The following RBFOX1 variants were observed in gnomAD, a reference collection of about 807,000 sequenced individuals.
RBFOX1 encodes RNA binding protein fox-1 homolog 1.
Under a neutral mutation model 57.7 loss-of-function variants are expected in RBFOX1, and 8 were observed. The observed-to-expected ratio is 0.14, with a 90% CI of 0.08 to 0.25. The LOEUF (loss-of-function observed/expected upper bound fraction) is 0.25. RBFOX1 is among the 10% of genes least tolerant of loss of function. The pLI is 1.00. For synonymous variants in RBFOX1, 326 were observed against 222.4 expected (o/e 1.47, Z -4.15); for missense variants, 611 against 548.5 (o/e 1.11, Z -1.14).
intron 4 of RBFOX1, among the ~76,000 whole-genome samples, chr16:7,299,835 C>A (rs2095988200): frequency 6.6e-6 from 1 of 152,194 alleles, no homozygotes; most frequent in Non-Finnish European, 1.5e-5. Context: ...CCTCAGTTTA[C>A]AATGGGGTTA....
intron 1 of RBFOX1, among the ~76,000 whole-genome samples, chr16:5,458,851 A>G (rs1172165279): frequency 6.6e-6 from 1 of 152,102 alleles, no homozygotes; most frequent in African/African-American, 2.4e-5. Context: ...GGAATGGCCA[A>G]CTCTGGGGAT....
chr16:5,521,043 A>C lies in RBFOX1; in HGVS notation c.258+53789A>C, dbSNP rs142911851. ...GACATCTGTTAGGTTAATAGAGATT[A>C]ATGGACATCAAGAAGATACTGAACC... On this transcript the variant is annotated intron_variant, in intron 2 of 2. Coordinates refer to the RBFOX1 transcript ENST00000585867. Among the ~76,000 whole-genome samples the C allele has an allele frequency of 9.9e-3, 1,510 of 152,304 alleles. 12 individuals are homozygous for C. The highest frequency in any genetic ancestry group is 0.031 in the Middle Eastern group (9 of 294).
chr16:7,241,311 G>A (rs2094045246), intron 4 of RBFOX1, among the ~76,000 whole-genome samples: 1 of 152,152 alleles, frequency 6.6e-6, no homozygotes, highest in Non-Finnish European at 1.5e-5. Context: ...AGTAATGGGT[G>A]TGGCCCAAGC....
chr16:6,104,734 A>C (rs556526738), intron 1 of RBFOX1, among the ~76,000 whole-genome samples: 1 of 152,334 alleles, frequency 6.6e-6, no homozygotes, highest in South Asian at 2.1e-4. Context: ...AAACAAACAA[A>C]GAGATAAAAC....
chr16:5,824,369 C>T (rs1001355757), intron 3 of RBFOX1, among the ~76,000 whole-genome samples: 2 of 152,126 alleles, frequency 1.3e-5, no homozygotes, highest in Non-Finnish European at 2.9e-5. Flanking sequence ...TGTCTGTCTC[C>T]CTCCTTGACA....
chr16:7,168,666 C>G (rs550760403), intron 4 of RBFOX1, among the ~76,000 whole-genome samples: 7 of 152,310 alleles, frequency 4.6e-5, no homozygotes, highest in South Asian at 2.1e-4. Flanking sequence ...TCCACCACTT[C>G]TAGCCATAAC....
At chr16:6,541,943 C>A (rs1284322009) in intron 2 of RBFOX1, among the ~76,000 whole-genome samples, 1 of 150,968 alleles carries the variant, frequency 6.6e-6, no homozygotes, top group Non-Finnish European at 1.5e-5. Flanking sequence ...TTTACATCTC[C>A]CCCTTTTTTT....
intron 7 of RBFOX1, among the ~76,000 whole-genome samples, chr16:7,588,376 C>T (rs1354651840): frequency 6.6e-6 from 1 of 152,180 alleles, no homozygotes; most frequent in African/African-American, 2.4e-5. Context: ...CAAGTTAGGG[C>T]TCAGCAACCT....
In RBFOX1 at chr16:6,853,085, A is replaced by C. The variant is rs112338765; in HGVS notation, c.-16+198435A>C. 5.3e-5 allele frequency among the ~76,000 whole-genome samples: 8 copies of C among 152,262 alleles called. 1 individual carries two copies. Among genetic ancestry groups the C allele is most frequent in the African/African-American group, 1.7e-4 (7 of 41,562 alleles). On this transcript the variant is annotated intron_variant, in intron 3 of 15. Coordinates refer to ENST00000550418, the MANE Select transcript of RBFOX1 (RefSeq NM_018723.4). ...CAGCCTCTGGTGTTACCCTTCACAC[A>C]GTTCTATCCCTCCCTCCATATATAC...
chr16:6,287,148 C>T (rs547952768), intron 1 of RBFOX1, among the ~76,000 whole-genome samples: 62 of 152,224 alleles, frequency 4.1e-4, no homozygotes, highest in African/African-American at 1.3e-3. Context: ...TCATTACCAA[C>T]GACAGGCACA....
chr16:7,120,276 A>C lies in RBFOX1; in HGVS notation c.27+68178A>C, dbSNP rs564619833. On this transcript the variant is annotated intron_variant, in intron 4 of 15. Transcript: ENST00000550418. ...ACAATGTAAGTGCATATCATAAGAG[A>C]CTATTAAAAAAAGCAAATCAAAAAC... Among the ~76,000 whole-genome samples, 8 of 142,440 alleles carry C rather than the reference A, an allele frequency of 5.6e-5. 1 individual carries two copies. In the East Asian group the frequency reaches 2.2e-3, roughly 38 times the overall value. 93.4% of individuals were successfully genotyped at this position (142,440 alleles called of 152,430 possible).
chr16:6,001,178 G>A (rs557420208), intron 4 of RBFOX1, among the ~76,000 whole-genome samples: 1 of 152,336 alleles, frequency 6.6e-6, no homozygotes, highest in South Asian at 2.1e-4. Flanking sequence ...TTGACCAACT[G>A]GAGAATCATC....
intron 4 of RBFOX1, among the ~76,000 whole-genome samples, chr16:7,267,165 G>A (rs945607723): frequency 1.3e-5 from 2 of 152,152 alleles, no homozygotes; most frequent in East Asian, 1.9e-4. Flanking sequence ...TTGGGAGGCC[G>A]AGGTAGGCAG....
At chr16:6,937,589 C>T (rs925558105) in intron 3 of RBFOX1, among the ~76,000 whole-genome samples, 4 of 152,026 alleles carry the variant, frequency 2.6e-5, no homozygotes, top group East Asian at 1.9e-4. Context: ...AGATGTGAGG[C>T]ATTAATCAAA....
At chr16:6,958,200 A>T (rs539479999) in intron 3 of RBFOX1, among the ~76,000 whole-genome samples, 1 of 152,206 alleles carries the variant, frequency 6.6e-6, no homozygotes, top group Non-Finnish European at 1.5e-5. Context: ...GAGGCACAGC[A>T]TTTTTTCCAG....
chr16:6,780,430 T>TTTATATA (rs2080742784), intron 3 of RBFOX1, among the ~76,000 whole-genome samples: 3 of 48,552 alleles, frequency 6.2e-5, no homozygotes, highest in Admixed American at 2.9e-4. Flanking sequence ...TTATATATAT[T>TTTATATA]TATAGATATA....
intron 3 of RBFOX1, among the ~76,000 whole-genome samples, chr16:7,010,892 G>A (rs1365697329): frequency 6.6e-6 from 1 of 152,136 alleles, no homozygotes; most frequent in East Asian, 1.9e-4. Context: ...CTCTTTTCTT[G>A]AGCAGAAGAT....
chr16:5,579,917 G>A (rs1156310030), intron 2 of RBFOX1, among the ~76,000 whole-genome samples: 1 of 151,894 alleles, frequency 6.6e-6, no homozygotes, highest in Non-Finnish European at 1.5e-5. Context: ...CTGCCACCAC[G>A]CCCGGCTAAT....
At chr16:7,570,418 G>C (rs1031925617) in intron 5 of RBFOX1, among the ~76,000 whole-genome samples, 2 of 152,046 alleles carry the variant, frequency 1.3e-5, no homozygotes, top group Non-Finnish European at 2.9e-5. Context: ...TCTGTATTCT[G>C]ATTTCTACTG....
Sources: gnomAD v4.1 joint callset for allele counts (sites outside exome capture counted in the v4.1 genomes callset) on GRCh38, gnomAD v4.1.1 for gene constraint, MANE v1.5 for transcripts, NCBI Gene and HGNC (gene_info 2026-07-23, HGNC 2026-07-21) for gene names.